Variants in HS3ST4 observed in about 807,000 individuals in gnomAD.
The protein encoded by HS3ST4 is heparan sulfate glucosamine 3-O-sulfotransferase 4.
A neutral mutation model predicts 29.2 loss-of-function variants in HS3ST4; 17 were observed. That is an observed-to-expected ratio of 0.58 (90% CI 0.40 to 0.87). The LOEUF is 0.87. HS3ST4 is among the 40% of genes least tolerant of loss of function. The probability of loss-of-function intolerance (pLI) is 0.00; values close to 1 mark genes in which losing one functional copy is unlikely to be tolerated. For synonymous variants in HS3ST4, 314 were observed against 285.7 expected (o/e 1.10, Z -1.00); for missense variants, 627 against 634.5 (o/e 0.99, Z 0.13).
intron 1 of HS3ST4, among the ~76,000 whole-genome samples, chr16:26,109,878 A>G (rs948564792): frequency 6.6e-6 from 1 of 152,194 alleles, no homozygotes; most frequent in Non-Finnish European, 1.5e-5. Flanking sequence ...TAACATATCA[A>G]TCACATCACA....
intron 1 of HS3ST4, among the ~76,000 whole-genome samples, chr16:26,057,890 C>A (rs903106392): frequency 6.6e-6 from 1 of 152,092 alleles, no homozygotes; most frequent in Middle Eastern, 3.2e-3. Flanking sequence ...GTAAAGCCTC[C>A]CTCTTACTGT....
chr16:25,724,521 G>A (rs1010332572), intron 1 of HS3ST4, among the ~76,000 whole-genome samples: 3 of 151,984 alleles, frequency 2.0e-5, no homozygotes, highest in Admixed American at 6.6e-5. Flanking sequence ...GCACCACCAC[G>A]CCTGGCTCAT....
At chr16:25,796,412 G>A (rs1412517703) in intron 1 of HS3ST4, among the ~76,000 whole-genome samples, 3 of 152,166 alleles carry the variant, frequency 2.0e-5, no homozygotes, top group Non-Finnish European at 4.4e-5. Context: ...TGTAGTGGGA[G>A]TGCTGGTTCT....
chr16:25,708,204 T>C (rs1218454602), intron 1 of HS3ST4, among the ~76,000 whole-genome samples: 3 of 152,166 alleles, frequency 2.0e-5, no homozygotes, highest in South Asian at 2.1e-4. Context: ...GGGACACAGG[T>C]TGGGTCCAAA....
chr16:25,853,295 AGTGT>A (rs71272469), intron 1 of HS3ST4, among the ~76,000 whole-genome samples: 95 of 143,950 alleles, frequency 6.6e-4, no homozygotes, highest in African/African-American at 2.3e-3. Context: ...AATCTTTGTG[AGTGT>A]GTGTGTGTGT....
intron 1 of HS3ST4, among the ~76,000 whole-genome samples, chr16:25,849,054 A>G (rs1413280833): frequency 6.6e-6 from 1 of 152,140 alleles, no homozygotes; most frequent in Non-Finnish European, 1.5e-5. Flanking sequence ...TAAATTTCCA[A>G]ATAGATGGTT....
intron 1 of HS3ST4, among the ~76,000 whole-genome samples, chr16:25,978,541 G>A (rs1321524136): frequency 6.6e-6 from 1 of 152,258 alleles, no homozygotes; most frequent in African/African-American, 2.4e-5. Context: ...ATGTGGAATA[G>A]TAACCAAAGT....
At chr16:25,811,366 T>G (rs759594631) in intron 1 of HS3ST4, among the ~76,000 whole-genome samples, 1 of 151,966 alleles carries the variant, frequency 6.6e-6, no homozygotes. Flanking sequence ...TTTCACTTAA[T>G]GAATAGTAAA....
In HS3ST4 at chr16:25,839,395, A is replaced by G. The variant is rs370267438; in HGVS notation, c.734+146244A>G. Among the ~76,000 whole-genome samples, 10 of 152,336 alleles carry G rather than the reference A, an allele frequency of 6.6e-5. No homozygotes were observed. In the East Asian group the frequency reaches 1.2e-3, roughly 18 times the overall value. On this transcript the variant is annotated intron_variant, in intron 1 of 1. Transcript: ENST00000331351. ...ACAGAGATAACATGTGAAATCACCC[A>G]TTGGATCTTCCCTTCCTCCATTTTT...
chr16:25,786,103 A>G (rs1325335041), intron 1 of HS3ST4, among the ~76,000 whole-genome samples: 2 of 152,270 alleles, frequency 1.3e-5, no homozygotes, highest in South Asian at 2.1e-4. Context: ...GAGCAGCGCA[A>G]TGGAAAATTG....
In HS3ST4 at chr16:25,723,767, C is replaced by T. The variant is rs1299814174; in HGVS notation, c.734+30616C>T. The stretch of plus-strand genomic sequence containing the variant: ...TCCCATCATTCTTTGTATTTATGTT[C>T]TTTATATTTATGTCTTGTCTGAATA... On this transcript the variant is annotated intron_variant, in intron 1 of 1. Coordinates refer to ENST00000331351, the MANE Select transcript of HS3ST4 (RefSeq NM_006040.3). Among the ~76,000 whole-genome samples, 5 of 152,114 alleles carry T rather than the reference C, an allele frequency of 3.3e-5. No homozygotes were observed. The East Asian group carries it at 9.6e-4, about 29-fold the overall frequency.
rs185299792 is a variant in HS3ST4 at position 26,000,960 on chromosome 16, T to C, written c.735-134652T>C. Among the ~76,000 whole-genome samples, 362 of 152,096 alleles carry C rather than the reference T, an allele frequency of 2.4e-3. 2 individuals are homozygous for C. Among genetic ancestry groups the C allele is most frequent in the African/African-American group, 8.5e-3 (354 of 41,486 alleles). On this transcript the variant is annotated intron_variant, in intron 1 of 1. Coordinates refer to ENST00000331351, the MANE Select transcript of HS3ST4 (RefSeq NM_006040.3). The stretch of plus-strand genomic sequence containing the variant: ...TCAAAAATGTCAAAGTCATAAAAGA[T>C]AAAGAAAGATTGTGGAAATGTTCCA...
chr16:25,977,120 G>T (rs889016867), intron 1 of HS3ST4, among the ~76,000 whole-genome samples: 1 of 152,062 alleles, frequency 6.6e-6, no homozygotes, highest in Non-Finnish European at 1.5e-5. Context: ...TAAGTGCTTA[G>T]CATATGTCAT....
chr16:26,011,714 C>CAG (rs1276707072), intron 1 of HS3ST4, among the ~76,000 whole-genome samples: 1 of 93,442 alleles, frequency 1.1e-5, no homozygotes, highest in Non-Finnish European at 2.1e-5. Flanking sequence ...GAGAGAGAGA[C>CAG]AGAGAGAGGT....
intron 1 of HS3ST4, among the ~76,000 whole-genome samples, chr16:25,783,681 CTTTT>C (rs1408636282): frequency 1.5e-4 from 23 of 152,098 alleles, no homozygotes; most frequent in Admixed American, 1.5e-3. Context: ...TGTTTCTGAA[CTTTT>C]TTATTGTGGT....
chr16:25,800,682 C>T (rs1048277210), intron 1 of HS3ST4, among the ~76,000 whole-genome samples: 9 of 151,992 alleles, frequency 5.9e-5, no homozygotes, highest in African/African-American at 2.2e-4. Context: ...ATGGGTTCCT[C>T]TAAAATTCAT....
At chr16:26,071,362 TGAA>T (rs1898602314) in intron 1 of HS3ST4, among the ~76,000 whole-genome samples, 1 of 152,104 alleles carries the variant, frequency 6.6e-6, no homozygotes, top group African/African-American at 2.4e-5. Context: ...GTTTTAGGAC[TGAA>T]GAAGGAGGAC....
chr16:25,953,496 A>G (rs990503053), intron 1 of HS3ST4, among the ~76,000 whole-genome samples: 2 of 152,102 alleles, frequency 1.3e-5, no homozygotes, highest in Non-Finnish European at 2.9e-5. Context: ...AGTTCTGCCC[A>G]ATAGGGTGTA....
At chr16:25,880,272 GT>G (rs1389729691) in intron 1 of HS3ST4, among the ~76,000 whole-genome samples, 1 of 152,126 alleles carries the variant, frequency 6.6e-6, no homozygotes, top group Non-Finnish European at 1.5e-5. Flanking sequence ...GAGATTCTAA[GT>G]TCCATTTGGC....
Sources: allele counts gnomAD v4.1 joint callset (sites outside exome capture counted in the v4.1 genomes callset), GRCh38; gene constraint gnomAD v4.1.1; transcripts MANE v1.5; gene names NCBI Gene and HGNC (gene_info 2026-07-23, HGNC 2026-07-21).